ARHGAP24: variants seen among roughly 807,000 people sequenced by gnomAD.
The protein encoded by ARHGAP24 is Rho GTPase activating protein 24.
A neutral mutation model predicts 76.4 loss-of-function variants in ARHGAP24; 50 were observed. That is an observed-to-expected ratio of 0.65 (90% CI 0.52 to 0.83). The LOEUF (loss-of-function observed/expected upper bound fraction) is 0.83. Among genes scored for constraint, ARHGAP24 ranks in the 40% least tolerant of loss-of-function variants. The pLI, the probability that ARHGAP24 is intolerant of heterozygous loss-of-function variation, is 0.00. For synonymous variants in ARHGAP24, 345 were observed against 323.3 expected (o/e 1.07, Z -0.72); for missense variants, 930 against 914.2 (o/e 1.02, Z -0.22).
At chr4:85,789,528 T>C (rs1728021061) in intron 3 of ARHGAP24, among the ~76,000 whole-genome samples, 1 of 152,100 alleles carries the variant, frequency 6.6e-6, no homozygotes, top group South Asian at 2.1e-4. Context: ...ACTCAACTTA[T>C]AATAGAACCA....
At chr4:85,841,640 G>C (rs1730601049) in intron 3 of ARHGAP24, among the ~76,000 whole-genome samples, 1 of 152,074 alleles carries the variant, frequency 6.6e-6, no homozygotes, top group Admixed American at 6.6e-5. Context: ...TTGTACAAAG[G>C]TGTCCAATAT....
At chr4:85,794,763 G>A (rs1333230957) in intron 3 of ARHGAP24, among the ~76,000 whole-genome samples, 1 of 152,236 alleles carries the variant, frequency 6.6e-6, no homozygotes, top group African/African-American at 2.4e-5. Context: ...TTACAGGGGA[G>A]AGCCACTGCA....
At chr4:85,564,529 C>G (rs1166358460) in intron 1 of ARHGAP24, among the ~76,000 whole-genome samples, 2 of 150,590 alleles carry the variant, frequency 1.3e-5, no homozygotes, top group African/African-American at 4.9e-5. Flanking sequence ...GATCCTAGAA[C>G]TTAAAGTATA....
chr4:85,909,573 C>T (rs1477140366), intron 3 of ARHGAP24, among the ~76,000 whole-genome samples: 1 of 152,094 alleles, frequency 6.6e-6, no homozygotes, highest in African/African-American at 2.4e-5. Flanking sequence ...AGACAAGATG[C>T]CCCCAAACAG....
At chr4:85,511,986 G>A (rs933102745) in intron 1 of ARHGAP24, among the ~76,000 whole-genome samples, 8 of 152,290 alleles carry the variant, frequency 5.3e-5, no homozygotes, top group African/African-American at 1.4e-4. Context: ...CCAGCCTTCT[G>A]CTTATGAGGA....
intron 2 of ARHGAP24, among the ~76,000 whole-genome samples, chr4:85,669,664 TATATA>T (rs1456283842): frequency 6.5e-5 from 4 of 61,714 alleles, no homozygotes; most frequent in Non-Finnish European, 1.4e-4. Flanking sequence ...TATATATATA[TATATA>T]TATATATATA....
intron 4 of ARHGAP24, among the ~76,000 whole-genome samples, chr4:85,928,016 C>T (rs1048943788): frequency 6.6e-6 from 1 of 152,032 alleles, no homozygotes; most frequent in African/African-American, 2.4e-5. Context: ...TTATAAAATA[C>T]TCATATGGGG....
chr4:85,643,247 T>TG (rs1721596004), intron 2 of ARHGAP24, among the ~76,000 whole-genome samples: 1 of 42,954 alleles, frequency 2.3e-5, no homozygotes, highest in Non-Finnish European at 4.1e-5. Context: ...TTTTTTTTTT[T>TG]TTTTTTTTTT....
chr4:85,990,167 T>C (rs571954927), intron 8 of ARHGAP24: 1 of 151,834 alleles, frequency 6.6e-6, no homozygotes, highest in South Asian at 2.1e-4. Flanking sequence ...ACAATTAGAA[T>C]TGAAATAAAA....
At chr4:85,836,461 T>C (rs1730296655) in intron 3 of ARHGAP24, among the ~76,000 whole-genome samples, 1 of 152,164 alleles carries the variant, frequency 6.6e-6, no homozygotes, top group Admixed American at 6.5e-5. Flanking sequence ...AGGAGTTTCT[T>C]AGCTTGTAGA....
intron 3 of ARHGAP24, among the ~76,000 whole-genome samples, chr4:85,881,719 G>T (rs1733264483): frequency 1.3e-5 from 2 of 152,158 alleles, no homozygotes; most frequent in African/African-American, 4.8e-5. Context: ...TTTTCTACTG[G>T]AAACGCTCCC....
chr4:85,623,348 T>C (rs939058976), intron 2 of ARHGAP24, among the ~76,000 whole-genome samples: 1 of 152,228 alleles, frequency 6.6e-6, no homozygotes, highest in African/African-American at 2.4e-5. Context: ...ATTTATTAAG[T>C]AGGGAATCCT....
chr4:85,640,250 G>T (rs1026418021), intron 2 of ARHGAP24, among the ~76,000 whole-genome samples: 1 of 152,072 alleles, frequency 6.6e-6, no homozygotes, highest in African/African-American at 2.4e-5. Flanking sequence ...GTATTCAAAC[G>T]AACCAATTCT....
chr4:85,959,452 C>A (rs527964889), intron 5 of ARHGAP24, among the ~76,000 whole-genome samples: 1 of 152,172 alleles, frequency 6.6e-6, no homozygotes, highest in Non-Finnish European at 1.5e-5. Flanking sequence ...CTTGCAGCCT[C>A]GTTTTACCCA....
chr4:85,755,043 G>A (rs2110068967), intron 3 of ARHGAP24, among the ~76,000 whole-genome samples: 1 of 152,294 alleles, frequency 6.6e-6, no homozygotes, highest in South Asian at 2.1e-4. Context: ...AGCTTTCTGA[G>A]GACAAAGAAT....
At chr4:85,882,432 C>A (rs191154080) in intron 3 of ARHGAP24, among the ~76,000 whole-genome samples, 1 of 151,938 alleles carries the variant, frequency 6.6e-6, no homozygotes, top group Admixed American at 6.6e-5. Context: ...TTCTAGAACC[C>A]CCTGATAATT....
chr4:85,803,727 C>T (rs1728672216), intron 3 of ARHGAP24, among the ~76,000 whole-genome samples: 2 of 152,160 alleles, frequency 1.3e-5, no homozygotes, highest in South Asian at 4.1e-4. Context: ...GGGCAGTTCA[C>T]ACCTTTTTCT....
At chr4:85,934,874 G>A (rs1010342371) in intron 4 of ARHGAP24, among the ~76,000 whole-genome samples, 1 of 152,156 alleles carries the variant, frequency 6.6e-6, no homozygotes, top group African/African-American at 2.4e-5. Flanking sequence ...TAGCCACCTT[G>A]AGGTGCTTTA....
At chr4:85,592,358 G>A (rs1293441867) in intron 2 of ARHGAP24, among the ~76,000 whole-genome samples, 2 of 152,030 alleles carry the variant, frequency 1.3e-5, no homozygotes, top group African/African-American at 2.4e-5. Flanking sequence ...TGGATTATTA[G>A]ATTTGTCTCT....
Sources: gnomAD v4.1 joint callset for allele counts (sites outside exome capture counted in the v4.1 genomes callset) on GRCh38, gnomAD v4.1.1 for gene constraint, MANE v1.5 for transcripts, NCBI Gene and HGNC (gene_info 2026-07-23, HGNC 2026-07-21) for gene names.